ASTN2: variants seen among roughly 807,000 people sequenced by gnomAD.
ASTN2 encodes the protein astrotactin 2, also known as astrotactin-2.
ASTN2 carries 54 observed loss-of-function variants against 139.8 expected under a neutral mutation model. The ratio of observed to expected loss-of-function variants is 0.39; its 90% CI spans 0.31 to 0.48. ASTN2 has a LOEUF of 0.48. Ranked by LOEUF, ASTN2 falls within the 20% of genes least tolerant of loss-of-function variation. The pLI, the probability that ASTN2 is intolerant of heterozygous loss-of-function variation, is 0.95. For missense variants in ASTN2, 1,565 were observed against 1,725.1 expected (o/e 0.91, Z 1.64); for synonymous variants, 756 against 719.5 (o/e 1.05, Z -0.81).
chr9:116,524,625 C>T (rs965468885), intron 19 of ASTN2, among the ~76,000 whole-genome samples: 6 of 152,188 alleles, frequency 3.9e-5, no homozygotes, highest in Admixed American at 1.3e-4. Flanking sequence ...CTCGTACTCC[C>T]TTGGTGTTTT....
chr9:116,749,245 C>A (rs1829334197), intron 13 of ASTN2, among the ~76,000 whole-genome samples: 1 of 152,196 alleles, frequency 6.6e-6, no homozygotes, highest in Non-Finnish European at 1.5e-5. Context: ...ATGCACCACT[C>A]TAGCACATTT....
intron 1 of ASTN2, among the ~76,000 whole-genome samples, chr9:117,325,052 A>T (rs1042343573): frequency 6.6e-6 from 1 of 152,154 alleles, no homozygotes; most frequent in African/African-American, 2.4e-5. Context: ...TTTCAGGAGC[A>T]CTGAACTTGT....
chr9:117,026,330 G>A (rs1838080532), intron 6 of ASTN2, among the ~76,000 whole-genome samples: 1 of 152,050 alleles, frequency 6.6e-6, no homozygotes, highest in South Asian at 2.1e-4. Flanking sequence ...AGCTTAGTTA[G>A]GATTTGAACC....
chr9:117,240,878 T>C (rs1833185627), intron 2 of ASTN2, among the ~76,000 whole-genome samples: 1 of 152,184 alleles, frequency 6.6e-6, no homozygotes, highest in Admixed American at 6.5e-5. Flanking sequence ...CCACACCTTA[T>C]GTTCTCGGCA....
At chr9:116,666,949 C>CTTTTTTTTT (rs34835904) in intron 16 of ASTN2, among the ~76,000 whole-genome samples, 3 of 70,388 alleles carry the variant, frequency 4.3e-5, no homozygotes, top group African/African-American at 1.2e-4. Flanking sequence ...TTTATTTATT[C>CTTTTTTTTT]TTTTTTTTTT....
intron 17 of ASTN2, among the ~76,000 whole-genome samples, chr9:116,639,422 G>C (rs142379789): frequency 4.6e-5 from 7 of 152,162 alleles, no homozygotes; most frequent in African/African-American, 7.2e-5. Context: ...CTGGTGAATT[G>C]TGAGACACAT....
At chr9:117,030,048 A>T (rs1374846548) in intron 6 of ASTN2, among the ~76,000 whole-genome samples, 1 of 152,062 alleles carries the variant, frequency 6.6e-6, no homozygotes, top group Non-Finnish European at 1.5e-5. Context: ...TTAGGAGGGG[A>T]ATTAATATAC....
chr9:116,676,883 C>T (rs1162583145), intron 16 of ASTN2, among the ~76,000 whole-genome samples: 1 of 152,120 alleles, frequency 6.6e-6, no homozygotes. Flanking sequence ...CTTGAATTTT[C>T]CTTTTTCTGA....
intron 4 of ASTN2, among the ~76,000 whole-genome samples, chr9:117,123,175 T>C (rs1587988371): frequency 6.6e-6 from 1 of 152,014 alleles, no homozygotes; most frequent in East Asian, 1.9e-4. Flanking sequence ...TACAGTTCTG[T>C]CAAGTTCCCA....
At chr9:116,740,852 C>T (rs956051102) in intron 13 of ASTN2, among the ~76,000 whole-genome samples, 7 of 150,966 alleles carry the variant, frequency 4.6e-5, no homozygotes, top group African/African-American at 1.7e-4. Flanking sequence ...TTCCTGAATC[C>T]CATACTAGAT....
intron 16 of ASTN2, among the ~76,000 whole-genome samples, chr9:116,714,681 T>C (rs1048790758): frequency 1.3e-5 from 2 of 152,186 alleles, no homozygotes; most frequent in African/African-American, 4.8e-5. Flanking sequence ...TATGTTGCCA[T>C]TTGTTGAAAC....
chr9:116,818,208 G>T (rs1831389867), intron 12 of ASTN2, among the ~76,000 whole-genome samples: 2 of 152,320 alleles, frequency 1.3e-5, no homozygotes, highest in South Asian at 4.1e-4. Context: ...TAACCTGGTT[G>T]CAAACAGATT....
intron 7 of ASTN2, among the ~76,000 whole-genome samples, chr9:117,007,693 T>A (rs1837397759): frequency 6.6e-6 from 1 of 152,210 alleles, no homozygotes; most frequent in African/African-American, 2.4e-5. Flanking sequence ...CCACACAGCT[T>A]CTCATTCAAT....
chr9:116,678,556 G>A (rs962798425), intron 16 of ASTN2, among the ~76,000 whole-genome samples: 1 of 152,128 alleles, frequency 6.6e-6, no homozygotes, highest in Non-Finnish European at 1.5e-5. Flanking sequence ...AGTTCAGAGG[G>A]TTTTAAAGAT....
chr9:117,386,088 T>G (rs1056930011), intron 1 of ASTN2, among the ~76,000 whole-genome samples: 7 of 152,056 alleles, frequency 4.6e-5, no homozygotes, highest in Non-Finnish European at 1.0e-4. Context: ...GGTTACCTTC[T>G]TAACTGCCTA....
At chr9:117,038,890 T>C (rs982974961) in intron 6 of ASTN2, among the ~76,000 whole-genome samples, 1 of 152,196 alleles carries the variant, frequency 6.6e-6, no homozygotes, top group African/African-American at 2.4e-5. Flanking sequence ...GGCAACAGTG[T>C]CTCATTAATT....
chr9:117,087,405 T>C (rs1828595130), intron 5 of ASTN2, among the ~76,000 whole-genome samples: 1 of 152,082 alleles, frequency 6.6e-6, no homozygotes, highest in Non-Finnish European at 1.5e-5. Context: ...TGGCTAATTT[T>C]TTTGTAGAGA....
At chr9:116,688,442 G>A (rs999070442) in intron 16 of ASTN2, among the ~76,000 whole-genome samples, 2 of 152,166 alleles carry the variant, frequency 1.3e-5, no homozygotes, top group African/African-American at 2.4e-5. Flanking sequence ...TAAAAGTAAT[G>A]TATGAAACTG....
chr9:117,342,328 T>C (rs1177868404), intron 1 of ASTN2, among the ~76,000 whole-genome samples: 13 of 152,216 alleles, frequency 8.5e-5, no homozygotes, highest in Admixed American at 8.5e-4. Context: ...AACTCAGTTT[T>C]ATCAGCTGAA....
Sources: gnomAD v4.1 joint callset for allele counts (sites outside exome capture counted in the v4.1 genomes callset) on GRCh38, gnomAD v4.1.1 for gene constraint, MANE v1.5 for transcripts, NCBI Gene and HGNC (gene_info 2026-07-23, HGNC 2026-07-21) for gene names.